Variants in CTU2 observed in about 807,000 individuals in gnomAD.
The protein encoded by CTU2 is cytoplasmic tRNA 2-thiolation protein 2.
A neutral mutation model predicts 64.1 loss-of-function variants in CTU2; 80 were observed. The observed-to-expected ratio is 1.25, with a 90% CI of 1.04 to 1.50. The LOEUF (loss-of-function observed/expected upper bound fraction) is 1.50, where lower values mean the gene tolerates loss of function less well. Among genes scored for constraint, CTU2 ranks in the 40% most tolerant of loss-of-function variants. CTU2 has a pLI of 0.00. For missense variants in CTU2, 1,110 were observed against 690.2 expected, an observed-to-expected ratio of 1.61 and a Z score of -6.81; for synonymous variants, 482 against 285.3, an observed-to-expected ratio of 1.69 and a Z score of -6.95.
At position 88,714,865 on chromosome 16, in the gene CTU2, A is replaced by AC. The variant is rs745696171; in HGVS notation, c.1363dup (p.Gln455ProfsTer5). ...AGCCAGCTCTGCTCCCGCAGGGAGG[A>AC]CCCCCAAGCCTGCATTGAGGAGCAG... On this transcript the variant is annotated frameshift_variant, in exon 13 of 15. Coordinates refer to ENST00000453996, the MANE Select transcript of CTU2 (RefSeq NM_001012759.3). LOFTEE classifies it high-confidence loss of function. 6 of 1,612,550 alleles carry AC rather than the reference A, an allele frequency of 3.7e-6. No individual in the cohort carries two copies. The highest frequency in any genetic ancestry group is 2.2e-5 in the East Asian group (1 of 44,878).
chr16:88,710,569 G>A (rs1444712610), intron 4 of CTU2: 2 of 440,748 alleles, frequency 4.5e-6, no homozygotes, highest in South Asian at 5.8e-5. Flanking sequence ...TGTGTTTACA[G>A]CAGGTGCACA....
chr16:88,713,303 G>T lies in CTU2; in HGVS notation c.738-9G>T, dbSNP rs762773762. 1.3e-6 allele frequency: 2 copies of T among 1,518,874 alleles called. No homozygotes were observed. Among genetic ancestry groups the T allele is most frequent in the South Asian group, 1.1e-5 (1 of 87,406 alleles). The allele number at this position is 1,518,874 out of a possible 1,614,324, so 94.1% of individuals were successfully genotyped here. A position where few individuals can be genotyped will look rare whatever the true frequency, so the allele number is the denominator to read the frequency against. On this transcript the variant is annotated splice_polypyrimidine_tract_variant and intron_variant, in intron 7 of 14. Coordinates refer to ENST00000453996, the MANE Select transcript of CTU2 (RefSeq NM_001012759.3). ...ACCCCCCAGGCCCCTGAGACGCTCT[G>T]TGCTTTAGGACCCACCTGATCCTCC...
intron 2 of CTU2, 46 bp downstream of exon 2, chr16:88,707,256 A>G (rs2142701019): frequency 1.3e-6 from 2 of 1,554,392 alleles, no homozygotes; most frequent in Non-Finnish European, 1.8e-6. Context: ...TGGCCTCGCT[A>G]GCAGACAGGA....
chr16:88,715,127 GTGGCGC>G (rs1567654506), intron 14 of CTU2, 21 bp downstream of exon 14: 2 of 1,602,448 alleles, frequency 1.2e-6, no homozygotes, highest in Admixed American at 1.7e-5. Flanking sequence ...CCACACTGCC[GTGGCGC>G]GTGGGTAAGG....
intron 2 of CTU2, among the ~76,000 whole-genome samples, chr16:88,707,679 C>T (rs1054494827): frequency 3.9e-5 from 6 of 152,292 alleles, no homozygotes; most frequent in South Asian, 4.1e-4. Flanking sequence ...TCATGTCTTT[C>T]TTGGCTTGTA....
rs557846690 is a variant in CTU2, at chr16:88,713,539, T to G, written c.873+92T>G. ...AGAGTAGCCTCTCGCGTATCAGTCC[T>G]GCGGCCTCGGATGGTGGTGGGGTCT... On this transcript the variant is annotated intron_variant, in intron 8 of 14. Transcript: ENST00000453996. 2.8e-6 allele frequency: 4 copies of G among 1,434,174 alleles called. No individual in the cohort carries two copies. The Admixed American group carries it at 7.6e-5, about 27-fold the overall frequency. The allele number at this position is 1,434,174 out of a possible 1,614,324, so 88.8% of individuals were successfully genotyped here.
intron 2 of CTU2, 73 bp from the exon 3 acceptor site, chr16:88,709,865 C>A (rs1396369043): frequency 7.9e-7 from 1 of 1,267,480 alleles, no homozygotes; most frequent in Non-Finnish European, 1.1e-6. Flanking sequence ...GACGTCGTCA[C>A]CTGGCAGCGC....
rs756904891 is a variant in CTU2 at position 88,714,365 on chromosome 16, C to T, written c.1098-18C>T. Reference sequence around the variant, plus strand: ...CAGCCCGTGTGATTCACCTGCTCCTCCCACAATCCGGCCACAGGACAAGTG... The same window carrying T: ...CAGCCCGTGTGATTCACCTGCTCCTTCCACAATCCGGCCACAGGACAAGTG... On this transcript the variant is annotated intron_variant, in intron 10 of 14. Transcript: ENST00000453996. 9.9e-6 allele frequency: 16 copies of T among 1,611,896 alleles called. 1 individual carries two copies. The South Asian group carries it at 1.6e-4, about 17-fold the overall frequency.
At chr16:88,711,037 T>C (rs1236384629) in intron 4 of CTU2, 1 of 153,206 alleles carries the variant, frequency 6.5e-6, no homozygotes, top group East Asian at 1.9e-4. Flanking sequence ...GCTGTTTCTG[T>C]GGGCTGGGTG....
At position 88,714,728 on chromosome 16, in the gene CTU2, C is replaced by A. The variant is rs747951270; in HGVS notation, c.1343C>A (p.Ala448Asp). 6.2e-6 allele frequency: 10 copies of A among 1,607,348 alleles called. No individual in the cohort carries two copies. The highest frequency in any genetic ancestry group is 8.5e-6 in the Non-Finnish European group (10 of 1,176,938). The part of the protein sequence containing the change: ...VGWAQRCGQG[A>D]CRREDPQACI... ...TGGGCCCAGCGCTGTGGCCAGGGGG[C>A]CTGCAGGAGGTGAGTCCCTGTCCCT... Residue 448 changes from alanine (A) to aspartate (D), a missense_variant, in exon 12 of 15, where the codon GCC (alanine) becomes GAC (aspartate). Physicochemically the swap from Ala to Asp is moderately radical, Grantham distance 126. Coordinates refer to ENST00000453996, the MANE Select transcript of CTU2 (RefSeq NM_001012759.3).
rs1426293046 is a variant in CTU2 at position 88,706,557 on chromosome 16, G to A, written c.27G>A (p.Gly9=). The A allele has an allele frequency of 1.4e-6, 2 of 1,459,136 alleles. No individual in the cohort carries two copies. Among genetic ancestry groups the A allele is most frequent in the Middle Eastern group, 2.4e-4 (1 of 4,214 alleles). The allele number at this position is 1,459,136 out of a possible 1,614,324, so 90.4% of individuals were successfully genotyped here. Residue 9 remains glycine (G), a synonymous_variant, in exon 1 of 15, where the codon GGG becomes GGA. Transcript: ENST00000453996. The stretch of plus-strand genomic sequence containing the variant: ...TGTGTCAGGTGGGCGAGGACTACGG[G>A]GAGCCGGCGCCTGAGGAGCCGCCCC... MCQVGEDY[G]EPAPEEPPPA... is the part of the protein sequence containing the mutation.
rs140091320 is a variant in CTU2, at chr16:88,712,784, C to A, written c.616C>A (p.Pro206Thr). The A allele has an allele frequency of 1.9e-6, 3 of 1,607,748 alleles. No individual in the cohort carries two copies. Among genetic ancestry groups the A allele is most frequent in the Admixed American group, 3.4e-5 (2 of 59,592 alleles). ...TCAAGGGGAGGAACAGCCACCCCAGCCCCCGCTGGACCCCCAGAACCTGGC... is the reference window on the plus strand; with the variant it reads ...TCAAGGGGAGGAACAGCCACCCCAGACCCCGCTGGACCCCCAGAACCTGGC... ...PTQGEEQPPQPPLDPQNLARP... is the reference protein window; with the variant it reads ...PTQGEEQPPQTPLDPQNLARP... The change falls in exon 7 of 15, where the codon CCC (proline) becomes ACC (threonine). Residue 206 changes from proline (P) to threonine (T), a missense_variant. By Grantham distance (38) the Pro-to-Thr change is conservative. Transcript: ENST00000453996.
In CTU2 at chr16:88,712,384, G is replaced by A. The variant is rs2142722780; in HGVS notation, c.453+1G>A. The A allele has an allele frequency of 6.3e-7, 1 of 1,599,118 alleles. No individual in the cohort carries two copies. The highest frequency in any genetic ancestry group is 1.3e-5 in the African/African-American group (1 of 74,722). On this transcript the variant is annotated splice_donor_variant, in intron 6 of 14. Transcript: ENST00000453996. LOFTEE classifies it high-confidence loss of function. ...ATGGCATGTGGTGGCCTTAGAGGAG[G>A]TGGGAGGGCTGTCCCTGGAAAGGGG...
At position 88,712,299 on chromosome 16, in the gene CTU2, AGAG is replaced by A; in HGVS notation, c.373_375del (p.Glu125del). The A allele has an allele frequency of 6.2e-7, 1 of 1,607,278 alleles. No individual in the cohort carries two copies. Among genetic ancestry groups the A allele is most frequent in the Non-Finnish European group, 8.5e-7 (1 of 1,176,838 alleles). On this transcript the variant is annotated inframe_deletion, in exon 6 of 15. Coordinates refer to ENST00000453996, the MANE Select transcript of CTU2 (RefSeq NM_001012759.3). The stretch of plus-strand genomic sequence containing the variant: ...AGGGAGCAGCCTGTGGCCAGAGCCT[AGAG>A]GAGAGATCAAAGACCCTGGCCGAAG...
At position 88,715,386 on chromosome 16, in the gene CTU2, A is replaced by C. The variant is rs1376013477; in HGVS notation, c.*135A>C. ...AAAACATTTTTTAATTAAAAAAAAA[A>C]CTCTACAGTACACGTGGGGGACGGC... On this transcript the variant is annotated 3_prime_UTR_variant, in exon 15 of 15. Transcript: ENST00000453996. 7.5e-6 allele frequency: 8 copies of C among 1,064,446 alleles called. No homozygotes were observed. Among genetic ancestry groups the C allele is most frequent in the Admixed American group, 2.7e-5 (1 of 36,726 alleles). 65.9% of individuals were successfully genotyped at this position (1,064,446 alleles called of 1,614,324 possible). A position where few individuals can be genotyped will look rare whatever the true frequency, so the allele number is the denominator to read the frequency against.
chr16:88,714,445 G>GCTGCCTCCT lies in CTU2; in HGVS notation c.1165_1173dup (p.Leu389_Cys391dup). On this transcript the variant is annotated inframe_insertion, in exon 11 of 15. Coordinates refer to ENST00000453996, the MANE Select transcript of CTU2 (RefSeq NM_001012759.3). ...CCTGCTGCTGGCGACTCCGGCCCCC[G>GCTGCCTCCT]CTGCCTCCTCTGCATGTGTGCCCTG... is the stretch of plus-strand genomic sequence containing the variant. 1.2e-6 allele frequency: 2 copies of GCTGCCTCCT among 1,612,560 alleles called. No homozygotes were observed. The highest frequency in any genetic ancestry group is 1.7e-6 in the Non-Finnish European group (2 of 1,179,846).
chr16:88,715,230 C>T lies in CTU2; in HGVS notation c.1527C>T (p.Asp509=), dbSNP rs200135149. 50 of 1,612,078 alleles carry T rather than the reference C, an allele frequency of 3.1e-5. No individual in the cohort carries two copies. The East Asian group carries it at 3.3e-4, about 11-fold the overall frequency. Reference sequence around the variant, plus strand: ...GGGACTGTCTGATTGAGGACAGTGACGACGAGGCGGGCCAGAGCTGAGCGT... The same window carrying T: ...GGGACTGTCTGATTGAGGACAGTGATGACGAGGCGGGCCAGAGCTGAGCGT... The part of the protein sequence containing the change: ...EIRDCLIEDS[D]DEAGQS Residue 509 remains aspartate, a synonymous_variant, in exon 15 of 15, where the codon GAC becomes GAT. Transcript: ENST00000453996.
rs779727077 is a variant in CTU2, at chr16:88,714,441, C to T, written c.1156C>T (p.Pro386Ser). Residue 386 changes from proline (P) to serine (S), a missense_variant, in exon 11 of 15, where the codon CCC (proline) becomes TCC (serine). Transcript: ENST00000453996. ...TGGCCCTGCTGCTGGCGACTCCGGC[C>T]CCCGCTGCCTCCTCTGCATGTGTGC... ...RDGPAAGDSG[P>S]RCLLCMCALD... The T allele has an allele frequency of 1.4e-5, 22 of 1,612,414 alleles. No individual in the cohort carries two copies. Among genetic ancestry groups the T allele is most frequent in the African/African-American group, 2.7e-5 (2 of 74,904 alleles).
At chr16:88,714,040 G>C in intron 9 of CTU2, 96 bp from the exon 10 acceptor site, 2 of 1,257,416 alleles carry the variant, frequency 1.6e-6, no homozygotes, top group Non-Finnish European at 1.1e-6. Context: ...ATGTGGGCCA[G>C]CAGCGTGGAA....
Sources: gnomAD v4.1 joint callset for allele counts (sites outside exome capture counted in the v4.1 genomes callset) on GRCh38, gnomAD v4.1.1 for gene constraint, MANE v1.5 for transcripts, NCBI Gene and HGNC (gene_info 2026-07-23, HGNC 2026-07-21) for gene names.